NLGN1: variants seen among roughly 807,000 people sequenced by gnomAD.
NLGN1 encodes neuroligin 1, also known as neuroligin-1.
Under a neutral mutation model 65.5 loss-of-function variants are expected in NLGN1, and 12 were observed. The ratio of observed to expected loss-of-function variants is 0.18; its 90% CI spans 0.12 to 0.30. NLGN1 has a LOEUF of 0.30. Among genes scored for constraint, NLGN1 ranks in the 10% least tolerant of loss-of-function variants. The pLI, the probability that NLGN1 is intolerant of heterozygous loss-of-function variation, is 1.00. For missense variants in NLGN1, 750 were observed against 1,007.1 expected (o/e 0.74, Z 3.46); for synonymous variants, 350 against 359.5 (o/e 0.97, Z 0.30).
At chr3:173,561,107 A>T (rs1198942595) in intron 2 of NLGN1, among the ~76,000 whole-genome samples, 9 of 152,184 alleles carry the variant, frequency 5.9e-5, no homozygotes, top group Non-Finnish European at 1.3e-4. Context: ...ACTAACAAGT[A>T]ATTTCTTCTG....
intron 4 of NLGN1, among the ~76,000 whole-genome samples, chr3:174,063,370 A>G (rs1293560630): frequency 6.6e-6 from 1 of 152,194 alleles, no homozygotes; most frequent in Non-Finnish European, 1.5e-5. Flanking sequence ...TCTTGATGCT[A>G]TGGGAAATGA....
chr3:173,594,410 G>A (rs1483479216), intron 2 of NLGN1, among the ~76,000 whole-genome samples: 1 of 152,172 alleles, frequency 6.6e-6, no homozygotes. Context: ...TTGACTCCAG[G>A]TCTCACATCC....
At chr3:174,270,644 G>A (rs1749227534) in intron 4 of NLGN1, among the ~76,000 whole-genome samples, 1 of 151,772 alleles carries the variant, frequency 6.6e-6, no homozygotes, top group African/African-American at 2.4e-5. Flanking sequence ...CTGAAAGTTT[G>A]GAGGTTAATT....
At chr3:173,516,458 T>G (rs1184155777) in intron 2 of NLGN1, among the ~76,000 whole-genome samples, 2 of 152,076 alleles carry the variant, frequency 1.3e-5, no homozygotes, top group Non-Finnish European at 2.9e-5. Context: ...CTGAACTTTT[T>G]GTATCAGCTA....
At chr3:173,667,131 G>T (rs1232850214) in intron 3 of NLGN1, among the ~76,000 whole-genome samples, 1 of 151,926 alleles carries the variant, frequency 6.6e-6, no homozygotes, top group East Asian at 1.9e-4. Context: ...AATTTTCATG[G>T]CAGAATATAG....
At chr3:174,219,591 T>G (rs1042517871) in intron 4 of NLGN1, among the ~76,000 whole-genome samples, 6 of 152,120 alleles carry the variant, frequency 3.9e-5, no homozygotes, top group African/African-American at 9.7e-5. Context: ...GCAAGGAGAC[T>G]TAAGTGTAAA....
chr3:174,232,456 G>T (rs898337907), intron 4 of NLGN1, among the ~76,000 whole-genome samples: 3 of 152,154 alleles, frequency 2.0e-5, no homozygotes, highest in Admixed American at 6.5e-5. Context: ...TAGGCTGTTG[G>T]CCCTCTAAAG....
At chr3:173,692,171 A>G (rs986153305) in intron 3 of NLGN1, among the ~76,000 whole-genome samples, 3 of 152,090 alleles carry the variant, frequency 2.0e-5, no homozygotes, top group African/African-American at 7.2e-5. Flanking sequence ...GGCATTCTCA[A>G]CTGGAAATCA....
intron 4 of NLGN1, among the ~76,000 whole-genome samples, chr3:173,957,574 T>C: frequency 6.6e-6 from 1 of 152,206 alleles, no homozygotes. Flanking sequence ...ACAATAATTT[T>C]TAGGCAGCTA....
intron 4 of NLGN1, among the ~76,000 whole-genome samples, chr3:173,930,482 A>G (rs959550362): frequency 2.0e-5 from 3 of 152,186 alleles, no homozygotes; most frequent in Non-Finnish European, 2.9e-5. Flanking sequence ...ATACTCATAA[A>G]TATTCATTAA....
At chr3:173,570,065 G>A (rs964379882) in intron 2 of NLGN1, among the ~76,000 whole-genome samples, 1 of 152,182 alleles carries the variant, frequency 6.6e-6, no homozygotes, top group Non-Finnish European at 1.5e-5. Context: ...CATAGTTTGA[G>A]TAGGCTTAAC....
At chr3:173,545,570 C>T (rs1274984784) in intron 2 of NLGN1, among the ~76,000 whole-genome samples, 1 of 151,796 alleles carries the variant, frequency 6.6e-6, no homozygotes, top group Admixed American at 6.6e-5. Flanking sequence ...GGGTAATGGC[C>T]CCACCATCCA....
chr3:173,875,594 A>G (rs1731964215), intron 4 of NLGN1, among the ~76,000 whole-genome samples: 1 of 152,238 alleles, frequency 6.6e-6, no homozygotes, highest in Non-Finnish European at 1.5e-5. Context: ...CTTATTATTT[A>G]TTCCAAATAA....
intron 4 of NLGN1, among the ~76,000 whole-genome samples, chr3:174,229,519 AT>A (rs1740308549): frequency 6.6e-6 from 1 of 152,174 alleles, no homozygotes; most frequent in Admixed American, 6.5e-5. Context: ...CATTTACTTA[AT>A]TTGACTTTAC....
rs536421076 is a variant in NLGN1, at chr3:173,874,670, A to G, written c.646+66838A>G. Among the ~76,000 whole-genome samples, 13 of 152,312 alleles carry G rather than the reference A, an allele frequency of 8.5e-5. No individual in the cohort carries two copies. The East Asian group carries it at 2.5e-3, about 29-fold the overall frequency. Reference sequence around the variant, plus strand: ...TGATAAACATGTAATTTTCCCCCTCATCCAAGTTCCACAGACTAAAGTTAA... The same window carrying G: ...TGATAAACATGTAATTTTCCCCCTCGTCCAAGTTCCACAGACTAAAGTTAA... On this transcript the variant is annotated intron_variant, in intron 4 of 6. Transcript: ENST00000457714.
At chr3:173,542,446 G>T (rs1739052062) in intron 2 of NLGN1, among the ~76,000 whole-genome samples, 1 of 151,844 alleles carries the variant, frequency 6.6e-6, no homozygotes, top group African/African-American at 2.4e-5. Flanking sequence ...ACTAATCATT[G>T]CTCACCTTTT....
chr3:174,000,972 G>T (rs566406397), intron 4 of NLGN1, among the ~76,000 whole-genome samples: 1 of 152,218 alleles, frequency 6.6e-6, no homozygotes, highest in East Asian at 1.9e-4. Flanking sequence ...CATGTGTATT[G>T]TCTATGGTGT....
chr3:174,010,170 A>G (rs1193378107), intron 4 of NLGN1, among the ~76,000 whole-genome samples: 1 of 152,230 alleles, frequency 6.6e-6, no homozygotes, highest in Non-Finnish European at 1.5e-5. Flanking sequence ...TGTTCAAATC[A>G]AAACATAATA....
At chr3:173,449,240 C>G (rs957095560) in intron 2 of NLGN1, among the ~76,000 whole-genome samples, 49 of 152,156 alleles carry the variant, frequency 3.2e-4, no homozygotes, top group Non-Finnish European at 4.7e-4. Context: ...TTGAATGCGT[C>G]CCAGAGATTC....
Sources: allele counts gnomAD v4.1 joint callset (sites outside exome capture counted in the v4.1 genomes callset), GRCh38; gene constraint gnomAD v4.1.1; transcripts MANE v1.5; gene names NCBI Gene and HGNC (gene_info 2026-07-23, HGNC 2026-07-21).